The following LRFN5 variants were observed in gnomAD, a reference collection of about 807,000 sequenced individuals.
LRFN5 encodes leucine-rich repeat and fibronectin type-III domain-containing protein 5.
In LRFN5, 24 loss-of-function variants were observed where a neutral mutation model predicts 45.6. The observed-to-expected ratio is 0.53, with a 90% CI of 0.38 to 0.74. The LOEUF is 0.74. Ranked by LOEUF, LRFN5 falls within the 30% of genes least tolerant of loss-of-function variation. The pLI, the probability that LRFN5 is intolerant of heterozygous loss-of-function variation, is 0.00. For missense variants in LRFN5, 776 were observed against 861.5 expected (o/e 0.90, Z 1.24); for synonymous variants, 340 against 313.8 (o/e 1.08, Z -0.88).
chr14:41,694,776 G>C (rs1437543977), intron 1 of LRFN5, among the ~76,000 whole-genome samples: 1 of 151,670 alleles, frequency 6.6e-6, no homozygotes, highest in Non-Finnish European at 1.5e-5. Flanking sequence ...GGGGATCTGT[G>C]GTCAATGATA....
intron 1 of LRFN5, among the ~76,000 whole-genome samples, chr14:41,732,398 T>C (rs1266691377): frequency 3.3e-5 from 5 of 152,190 alleles, no homozygotes; most frequent in Non-Finnish European, 7.4e-5. Context: ...CTTTTATTTT[T>C]GCCTTTGTCT....
At chr14:41,876,409 T>G (rs1207069530) in intron 2 of LRFN5, among the ~76,000 whole-genome samples, 1 of 150,056 alleles carries the variant, frequency 6.7e-6, no homozygotes, top group Non-Finnish European at 1.5e-5. Flanking sequence ...GCCTCCCGAG[T>G]AGCTGGGACT....
At chr14:41,715,067 T>C (rs960489353) in intron 1 of LRFN5, among the ~76,000 whole-genome samples, 2 of 152,116 alleles carry the variant, frequency 1.3e-5, no homozygotes, top group South Asian at 4.1e-4. Context: ...ATTTCCAAGA[T>C]CCTTATATCC....
At chr14:41,788,151 T>C (rs1217740716) in intron 2 of LRFN5, among the ~76,000 whole-genome samples, 1 of 152,118 alleles carries the variant, frequency 6.6e-6, no homozygotes, top group Non-Finnish European at 1.5e-5. Flanking sequence ...GATATTTTAT[T>C]ATGTCAGCCC....
At chr14:41,797,978 T>C (rs753941262) in intron 2 of LRFN5, among the ~76,000 whole-genome samples, 1 of 151,946 alleles carries the variant, frequency 6.6e-6, no homozygotes, top group Non-Finnish European at 1.5e-5. Context: ...ATCTTTATTA[T>C]TGATTATTAA....
intron 2 of LRFN5, among the ~76,000 whole-genome samples, chr14:41,851,234 T>C (rs1398823260): frequency 3.3e-5 from 5 of 151,810 alleles, no homozygotes; most frequent in African/African-American, 4.8e-5. Flanking sequence ...CTATGTATAT[T>C]ACATAAAACA....
chr14:41,735,711 C>A (rs1166214698), intron 1 of LRFN5, among the ~76,000 whole-genome samples: 1 of 151,774 alleles, frequency 6.6e-6, no homozygotes, highest in Non-Finnish European at 1.5e-5. Flanking sequence ...ATCTATCAAC[C>A]CTTCATTGAC....
At chr14:41,647,930 A>G (rs1475194184) in intron 1 of LRFN5, among the ~76,000 whole-genome samples, 1 of 152,248 alleles carries the variant, frequency 6.6e-6, no homozygotes, top group Non-Finnish European at 1.5e-5. Context: ...TAAAGATTAC[A>G]TAGGCAAATA....
intron 1 of LRFN5, among the ~76,000 whole-genome samples, chr14:41,644,411 T>C (rs1161468936): frequency 6.6e-6 from 1 of 152,242 alleles, no homozygotes; most frequent in Non-Finnish European, 1.5e-5. Context: ...TTTAAATCTA[T>C]CATGCATTTA....
In LRFN5 at chr14:41,891,530, A is replaced by C; in HGVS notation, c.1666A>C (p.Asn556His). 6.2e-7 allele frequency: 1 copy of C among 1,614,218 alleles called. No homozygotes were observed. The highest frequency in any genetic ancestry group is 8.5e-7 in the Non-Finnish European group (1 of 1,180,036). The change falls in exon 4 of 6, where the codon AAC becomes CAC. Residue 556 changes from asparagine to histidine, a missense_variant. Coordinates refer to ENST00000298119, the MANE Select transcript of LRFN5 (RefSeq NM_152447.5). ...TCTGATGATCCGGTATAAGGTTTGC[A>C]ACAATAATGGGCAACACAAGGTCAC... ...IILMIRYKVC[N>H]NNGQHKVTKV...
At chr14:41,882,334 C>A (rs746152752) in intron 2 of LRFN5, among the ~76,000 whole-genome samples, 2 of 152,052 alleles carry the variant, frequency 1.3e-5, no homozygotes, top group Admixed American at 1.3e-4. Flanking sequence ...TGTCACCCTA[C>A]GCATTTTGTG....
At chr14:41,878,744 C>T (rs1307473178) in intron 2 of LRFN5, among the ~76,000 whole-genome samples, 1 of 151,998 alleles carries the variant, frequency 6.6e-6, no homozygotes, top group East Asian at 1.9e-4. Context: ...AATGGCTTTA[C>T]TTAACTAGAT....
chr14:41,735,280 T>C (rs977911488), intron 1 of LRFN5, among the ~76,000 whole-genome samples: 1 of 152,112 alleles, frequency 6.6e-6, no homozygotes, highest in Non-Finnish European at 1.5e-5. Flanking sequence ...ATTTTATATA[T>C]TTTTTGATAC....
chr14:41,799,032 G>T (rs1887232739), intron 2 of LRFN5, among the ~76,000 whole-genome samples: 1 of 151,444 alleles, frequency 6.6e-6, no homozygotes, highest in Non-Finnish European at 1.5e-5. Flanking sequence ...TTTTAACTTG[G>T]TCTCTGGTTT....
At chr14:41,779,766 A>G (rs925931771) in intron 2 of LRFN5, among the ~76,000 whole-genome samples, 9 of 151,910 alleles carry the variant, frequency 5.9e-5, no homozygotes, top group Non-Finnish European at 1.0e-4. Flanking sequence ...AGAGTTATTC[A>G]TAATATTACT....
intron 2 of LRFN5, among the ~76,000 whole-genome samples, chr14:41,789,012 C>T (rs1413264617): frequency 2.0e-5 from 3 of 151,764 alleles, no homozygotes; most frequent in Non-Finnish European, 4.4e-5. Context: ...TTAAAAATAC[C>T]TAATTTCCTA....
chr14:41,666,098 C>T (rs964869213), intron 1 of LRFN5, among the ~76,000 whole-genome samples: 1 of 151,916 alleles, frequency 6.6e-6, no homozygotes, highest in Non-Finnish European at 1.5e-5. Flanking sequence ...ATTTTACTAA[C>T]ATTAAAAAGG....
Position 41,845,213 on chromosome 14 carries a change from T to A in LRFN5, c.-20-41393T>A, listed in dbSNP as rs576106700. Among the ~76,000 whole-genome samples the A allele has an allele frequency of 2.4e-4, 37 of 152,262 alleles. No individual in the cohort carries two copies. The South Asian group carries it at 7.0e-3, about 29-fold the overall frequency. On this transcript the variant is annotated intron_variant, in intron 2 of 5. Transcript: ENST00000298119. ...GATAGATTAATAAGCATGCATTATATAAAATATTTTGAAATACTATTTAAA... is the reference window on the plus strand; with the variant it reads ...GATAGATTAATAAGCATGCATTATAAAAAATATTTTGAAATACTATTTAAA...
intron 1 of LRFN5, among the ~76,000 whole-genome samples, chr14:41,670,148 GTATA>G (rs1451865251): frequency 9.9e-6 from 1 of 101,172 alleles, no homozygotes; most frequent in Non-Finnish European, 2.0e-5. Flanking sequence ...TTCTGTGTGT[GTATA>G]TATATACATT....
Sources: allele counts gnomAD v4.1 joint callset (sites outside exome capture counted in the v4.1 genomes callset), GRCh38; gene constraint gnomAD v4.1.1; transcripts MANE v1.5; gene names NCBI Gene and HGNC (gene_info 2026-07-23, HGNC 2026-07-21).